RBFOX1: variants seen among roughly 807,000 people sequenced by gnomAD.
The protein encoded by RBFOX1 is RNA binding fox-1 homolog 1, also known as RNA binding protein fox-1 homolog 1.
In RBFOX1, 8 loss-of-function variants were observed where a neutral mutation model predicts 57.7. That is an observed-to-expected ratio of 0.14 (90% CI 0.08 to 0.25). RBFOX1 has a LOEUF of 0.25. RBFOX1 is among the 10% of genes least tolerant of loss of function. The pLI, the probability that RBFOX1 is intolerant of heterozygous loss-of-function variation, is 1.00. For synonymous variants in RBFOX1, 326 were observed against 222.4 expected, an observed-to-expected ratio of 1.47 and a Z score of -4.15; for missense variants, 611 against 548.5, an observed-to-expected ratio of 1.11 and a Z score of -1.14.
At position 6,219,034 on chromosome 16, in the gene RBFOX1, G is replaced by T. The variant is rs115162585; in HGVS notation, c.-126-97961G>T. Among the ~76,000 whole-genome samples, 1,234 of 152,304 alleles carry T rather than the reference G, an allele frequency of 8.1e-3. 13 individuals carry two copies. Among genetic ancestry groups the T allele is most frequent in the African/African-American group, 0.028 (1,150 of 41,558 alleles). On this transcript the variant is annotated intron_variant, in intron 1 of 15. Coordinates refer to ENST00000550418, the MANE Select transcript of RBFOX1 (RefSeq NM_018723.4). ...GTTAGGTGACTCAGGGGCCACATCTGTGGAACAGGTACATATTTATCTTGA... is the reference window on the plus strand; with the variant it reads ...GTTAGGTGACTCAGGGGCCACATCTTTGGAACAGGTACATATTTATCTTGA...
chr16:5,294,532 C>T (rs763529546), intron 1 of RBFOX1, among the ~76,000 whole-genome samples: 1 of 152,162 alleles, frequency 6.6e-6, no homozygotes, highest in African/African-American at 2.4e-5. Flanking sequence ...ACTGGGATCC[C>T]TCGTAACCAG....
chr16:6,575,335 G>A (rs967459952), intron 2 of RBFOX1, among the ~76,000 whole-genome samples: 1 of 152,052 alleles, frequency 6.6e-6, no homozygotes, highest in African/African-American at 2.4e-5. Context: ...AAATTTAAAT[G>A]GATACTAAGT....
At chr16:7,069,008 T>G (rs1310360371) in intron 4 of RBFOX1, among the ~76,000 whole-genome samples, 1 of 152,216 alleles carries the variant, frequency 6.6e-6, no homozygotes, top group African/African-American at 2.4e-5. Context: ...ATGTGTCACT[T>G]AAGTGCTAAG....
chr16:7,338,802 G>C (rs977134690), intron 4 of RBFOX1, among the ~76,000 whole-genome samples: 1 of 152,156 alleles, frequency 6.6e-6, no homozygotes, highest in African/African-American at 2.4e-5. Flanking sequence ...AGTAATTTGG[G>C]TAAGTTTCTG....
At chr16:7,693,210 C>A in intron 14 of RBFOX1, 1 of 880,932 alleles carries the variant, frequency 1.1e-6, no homozygotes, top group Non-Finnish European at 1.9e-6. Context: ...CATCCATTCA[C>A]ACGCAGCACC....
At chr16:5,630,007 T>A (rs1198657370) in intron 3 of RBFOX1, among the ~76,000 whole-genome samples, 1 of 152,188 alleles carries the variant, frequency 6.6e-6, no homozygotes, top group Non-Finnish European at 1.5e-5. Flanking sequence ...GATCTCTCTA[T>A]GTCCTGGGAG....
At chr16:6,816,406 C>G (rs1046044469) in intron 3 of RBFOX1, among the ~76,000 whole-genome samples, 1 of 151,186 alleles carries the variant, frequency 6.6e-6, no homozygotes, top group Non-Finnish European at 1.5e-5. Context: ...TGTTGCCAGA[C>G]TGGCCCCTTC....
At chr16:7,443,234 A>G (rs902988909) in intron 4 of RBFOX1, among the ~76,000 whole-genome samples, 1 of 151,986 alleles carries the variant, frequency 6.6e-6, no homozygotes, top group African/African-American at 2.4e-5. Context: ...AGCTGCCAAC[A>G]AATGCATTTC....
At chr16:6,619,542 C>CA (rs2098195231) in intron 2 of RBFOX1, among the ~76,000 whole-genome samples, 1 of 152,002 alleles carries the variant, frequency 6.6e-6, no homozygotes. Flanking sequence ...TCAGCTTAAG[C>CA]AAAAATAAGA....
chr16:6,991,960 C>A (rs563236378), intron 3 of RBFOX1, among the ~76,000 whole-genome samples: 2 of 152,258 alleles, frequency 1.3e-5, no homozygotes, highest in East Asian at 3.9e-4. Flanking sequence ...TGTCCCAGAT[C>A]CTGTGTTGTT....
At chr16:5,595,970 T>C (rs957739406) in intron 2 of RBFOX1, among the ~76,000 whole-genome samples, 1 of 152,130 alleles carries the variant, frequency 6.6e-6, no homozygotes, top group East Asian at 1.9e-4. Flanking sequence ...GTTGGTACCA[T>C]CTTCTGTCTC....
intron 4 of RBFOX1, among the ~76,000 whole-genome samples, chr16:7,100,565 GTTT>G (rs201889492): frequency 0.019 from 2,231 of 118,748 alleles, 56 homozygotes; most frequent in East Asian, 0.13. Flanking sequence ...TTTAAAGGTT[GTTT>G]TTTTTTTTTT....
At chr16:6,217,496 T>C (rs1386053031) in intron 1 of RBFOX1, among the ~76,000 whole-genome samples, 1 of 152,100 alleles carries the variant, frequency 6.6e-6, no homozygotes, top group Non-Finnish European at 1.5e-5. Context: ...ACCAGGGAAA[T>C]AAGGAGCATG....
intron 3 of RBFOX1, among the ~76,000 whole-genome samples, chr16:7,013,138 G>T (rs767085108): frequency 1.3e-5 from 2 of 152,114 alleles, no homozygotes; most frequent in Non-Finnish European, 2.9e-5. Context: ...GAGGGTTAGG[G>T]ATTTCACATA....
At chr16:5,989,897 A>G (rs985643961) in intron 4 of RBFOX1, among the ~76,000 whole-genome samples, 12 of 85,058 alleles carry the variant, frequency 1.4e-4, no homozygotes, top group Non-Finnish European at 2.8e-4. Context: ...CTGTTTTATA[A>G]TAGGAGTAAC....
At chr16:6,164,076 T>C (rs556729042) in intron 1 of RBFOX1, among the ~76,000 whole-genome samples, 1 of 152,242 alleles carries the variant, frequency 6.6e-6, no homozygotes, top group East Asian at 1.9e-4. Context: ...TTATTAACTT[T>C]AGTCCTCACG....
At chr16:6,813,324 C>T (rs947012915) in intron 3 of RBFOX1, among the ~76,000 whole-genome samples, 2 of 152,162 alleles carry the variant, frequency 1.3e-5, no homozygotes, top group Non-Finnish European at 2.9e-5. Flanking sequence ...TTCTAGCCTC[C>T]AGTTGACCAC....
At chr16:6,751,037 T>G (rs1354398733) in intron 3 of RBFOX1, among the ~76,000 whole-genome samples, 1 of 152,030 alleles carries the variant, frequency 6.6e-6, no homozygotes, top group African/African-American at 2.4e-5. Context: ...AGGGCCCTGA[T>G]GTGGGAAAGA....
chr16:7,226,874 A>G (rs145756168), intron 4 of RBFOX1, among the ~76,000 whole-genome samples: 112 of 152,318 alleles, frequency 7.4e-4, no homozygotes, highest in African/African-American at 2.6e-3. Flanking sequence ...AGGCAAATGG[A>G]CTTTATAACT....
Sources: gnomAD v4.1 joint callset for allele counts (sites outside exome capture counted in the v4.1 genomes callset) on GRCh38, gnomAD v4.1.1 for gene constraint, MANE v1.5 for transcripts, NCBI Gene and HGNC (gene_info 2026-07-23, HGNC 2026-07-21) for gene names.